Variants in RIN3 observed in about 807,000 individuals in gnomAD.
The protein encoded by RIN3 is Ras and Rab interactor 3.
A neutral mutation model predicts 76.3 loss-of-function variants in RIN3; 54 were observed. The ratio of observed to expected loss-of-function variants is 0.71; its 90% CI spans 0.57 to 0.89. The LOEUF (loss-of-function observed/expected upper bound fraction) is 0.89. Among genes scored for constraint, RIN3 ranks in the 40% least tolerant of loss-of-function variants. RIN3 has a pLI of 0.00. For missense variants in RIN3, 1,256 were observed against 1,322.1 expected (o/e 0.95, Z 0.78); for synonymous variants, 576 against 564.0 (o/e 1.02, Z -0.30).
intron 2 of RIN3, among the ~76,000 whole-genome samples, chr14:92,564,425 C>G (rs1897861118): frequency 6.6e-6 from 1 of 152,154 alleles, no homozygotes; most frequent in Non-Finnish European, 1.5e-5. Context: ...CTCTTGCAAG[C>G]CTCTTAGGGA....
At chr14:92,536,325 C>T (rs758389038) in intron 1 of RIN3, among the ~76,000 whole-genome samples, 2 of 152,336 alleles carry the variant, frequency 1.3e-5, no homozygotes, top group Admixed American at 6.5e-5. Flanking sequence ...ACGCCATGGA[C>T]AAGATCTGTC....
At chr14:92,642,009 C>T (rs1887032723) in intron 5 of RIN3, among the ~76,000 whole-genome samples, 2 of 152,240 alleles carry the variant, frequency 1.3e-5, no homozygotes, top group Admixed American at 6.5e-5. Flanking sequence ...TCAGGAAGCC[C>T]AAGCATGCCA....
Position 92,568,391 on chromosome 14 carries a change from C to G in RIN3, c.250-8969C>G, listed in dbSNP as rs1897972220. ...GACACTGACTTGGGCCAAAATCTGCCAGATTTAAGCTGAGATAATTCACCA... is the reference window on the plus strand; with the variant it reads ...GACACTGACTTGGGCCAAAATCTGCGAGATTTAAGCTGAGATAATTCACCA... On this transcript the variant is annotated intron_variant, in intron 2 of 9. Transcript: ENST00000216487. This position sits in a 1 kb window ranked among gnomAD's most constrained non-coding sequence, Gnocchi z 4.2. Among the ~76,000 whole-genome samples the G allele has an allele frequency of 6.6e-6, 1 of 152,196 alleles. No homozygotes were observed. Among genetic ancestry groups the G allele is most frequent in the Non-Finnish European group, 1.5e-5 (1 of 68,034 alleles).
At chr14:92,630,658 T>C (rs531155260) in intron 4 of RIN3, among the ~76,000 whole-genome samples, 3 of 152,270 alleles carry the variant, frequency 2.0e-5, no homozygotes, top group African/African-American at 7.2e-5. Context: ...TCCTCCATGT[T>C]CCAGAAAAGC....
chr14:92,552,908 G>A (rs1353027625), intron 1 of RIN3, among the ~76,000 whole-genome samples: 1 of 151,638 alleles, frequency 6.6e-6, no homozygotes, highest in African/African-American at 2.4e-5. Context: ...CCTGTGCCTG[G>A]AACAGCATTT....
chr14:92,653,693 T>C (rs1887557389), intron 6 of RIN3, among the ~76,000 whole-genome samples: 1 of 152,166 alleles, frequency 6.6e-6, no homozygotes, highest in Non-Finnish European at 1.5e-5. Flanking sequence ...CGGTGAAAAG[T>C]ACTTGTGAAC....
At chr14:92,608,321 C>T (rs111322573) in intron 3 of RIN3, among the ~76,000 whole-genome samples, 23 of 152,244 alleles carry the variant, frequency 1.5e-4, no homozygotes, top group African/African-American at 5.3e-4. Context: ...TGCAACTTCT[C>T]GTGAATCTAT....
intron 1 of RIN3, among the ~76,000 whole-genome samples, chr14:92,535,864 G>A (rs1226809015): frequency 7.0e-6 from 1 of 143,138 alleles, no homozygotes; most frequent in Non-Finnish European, 1.5e-5. Flanking sequence ...GTATTTTTTA[G>A]TAGAGACTGG....
chr14:92,646,921 G>C (rs1353761350), intron 5 of RIN3, among the ~76,000 whole-genome samples: 1 of 152,194 alleles, frequency 6.6e-6, no homozygotes, highest in Non-Finnish European at 1.5e-5. Context: ...GAATATATTT[G>C]TGACTTTCAG....
chr14:92,678,048 AATCCATCATTC>A (rs1317154171), intron 8 of RIN3, among the ~76,000 whole-genome samples: 2 of 140,870 alleles, frequency 1.4e-5, no homozygotes, highest in Non-Finnish European at 3.0e-5. Context: ...TCTACCCACC[AATCCATCATTC>A]ATCCATCCAT....
chr14:92,647,833 G>C (rs1887255967), intron 5 of RIN3, among the ~76,000 whole-genome samples: 1 of 152,162 alleles, frequency 6.6e-6, no homozygotes, highest in Non-Finnish European at 1.5e-5. Flanking sequence ...GAAAGAGTGG[G>C]CATCTGGCAA....
At chr14:92,573,123 C>A (rs1183706353) in intron 2 of RIN3, among the ~76,000 whole-genome samples, 1 of 152,002 alleles carries the variant, frequency 6.6e-6, no homozygotes, top group African/African-American at 2.4e-5. Flanking sequence ...CTCAAGTGAT[C>A]CCCCTGCCTC....
chr14:92,542,355 C>T (rs1415784573), intron 1 of RIN3, among the ~76,000 whole-genome samples: 36 of 151,796 alleles, frequency 2.4e-4, no homozygotes, highest in Admixed American at 2.4e-3. Flanking sequence ...CAAATCAAAA[C>T]CGCAATGAGA....
chr14:92,570,898 C>A (rs1898047149), intron 2 of RIN3, among the ~76,000 whole-genome samples: 1 of 152,198 alleles, frequency 6.6e-6, no homozygotes, highest in South Asian at 2.1e-4. Flanking sequence ...TTGCTACAAC[C>A]TAGGAAGATT....
chr14:92,582,207 A>C (rs1456205623), intron 3 of RIN3, among the ~76,000 whole-genome samples: 1 of 152,192 alleles, frequency 6.6e-6, no homozygotes, highest in East Asian at 1.9e-4. Context: ...TCAGAGACAG[A>C]GACGGCCAGC....
chr14:92,676,327 TGTCCTGAGA>T, intron 7 of RIN3, 139 bp from the exon 8 acceptor site: 1 of 916,476 alleles, frequency 1.1e-6, no homozygotes, highest in Non-Finnish European at 1.6e-6. Context: ...GGGTCCTCTC[TGTCCTGAGA>T]GTCATGAGAG....
rs1896384783 is a variant in RIN3, at chr14:92,514,545, C to T, written c.44+569C>T. 6.6e-6 allele frequency among the ~76,000 whole-genome samples: 1 copy of T among 152,230 alleles called. No homozygotes were observed. Among genetic ancestry groups the T allele is most frequent in the African/African-American group, 2.4e-5 (1 of 41,468 alleles). ...GCCCTTTTCCCGCCGCCCCTCTGCC[C>T]TGGCCGTAGACGGTGACCTTCGGAC... On this transcript the variant is annotated intron_variant, in intron 1 of 9. Coordinates refer to ENST00000216487, the MANE Select transcript of RIN3 (RefSeq NM_024832.5). This position sits in a 1 kb window ranked among gnomAD's most constrained non-coding sequence, Gnocchi z 7.2.
At chr14:92,655,900 T>C (rs921974558) in intron 6 of RIN3, among the ~76,000 whole-genome samples, 1 of 152,116 alleles carries the variant, frequency 6.6e-6, no homozygotes, top group African/African-American at 2.4e-5. Flanking sequence ...GAGATGCTTA[T>C]TAGATACCAG....
chr14:92,632,182 G>C (rs1486535580), intron 4 of RIN3, among the ~76,000 whole-genome samples: 1 of 152,128 alleles, frequency 6.6e-6, no homozygotes, highest in Admixed American at 6.5e-5. Context: ...CCAGCACCAG[G>C]ACAATCCCTG....
Sources: gnomAD v4.1 joint callset for allele counts (sites outside exome capture counted in the v4.1 genomes callset) on GRCh38, gnomAD v4.1.1 for gene constraint, Gnocchi (gnomAD v3.1) non-coding constraint, MANE v1.5 for transcripts, NCBI Gene and HGNC (gene_info 2026-07-23, HGNC 2026-07-21) for gene names.